Variants in HDAC7 observed in about 807,000 individuals in gnomAD.
The protein encoded by HDAC7 is histone deacetylase 7, also known as histone deacetylase 7A.
HDAC7 carries 26 observed loss-of-function variants against 115.5 expected under a neutral mutation model. The observed-to-expected ratio is 0.23, with a 90% CI of 0.16 to 0.31. The LOEUF (loss-of-function observed/expected upper bound fraction) is 0.31, where lower values mean the gene tolerates loss of function less well. Among genes scored for constraint, HDAC7 ranks in the 10% least tolerant of loss-of-function variants. The pLI, the probability that HDAC7 is intolerant of heterozygous loss-of-function variation, is 1.00. For synonymous variants in HDAC7, 564 were observed against 550.9 expected (o/e 1.02, Z -0.33); for missense variants, 1,068 against 1,329.0 (o/e 0.80, Z 3.05).
rs534076261 is a variant in HDAC7 at position 47,784,283 on chromosome 12, C to T, written c.2792-66G>A. 2.5e-5 allele frequency: 37 copies of T among 1,498,302 alleles called. No homozygotes were observed. The East Asian group carries it at 6.7e-4, about 27-fold the overall frequency. The allele number at this position is 1,498,302 out of a possible 1,614,324, so 92.8% of individuals were successfully genotyped here. On this transcript the variant is annotated intron_variant, in intron 24 of 25. Transcript: ENST00000080059. ...AGCCCCTCCACACTGCGTCCTAGAC[C>T]GGATATTGAGGTTGGTGTCTCAGGC...
rs1565803880 is a variant in HDAC7 at position 47,793,115 on chromosome 12, CTG to C, written c.1678+252_1678+253del. On this transcript the variant is annotated intron_variant, in intron 13 of 25. Coordinates refer to ENST00000080059, the MANE Select transcript of HDAC7 (RefSeq NM_015401.5). The surrounding 1 kb of genome is among the most constrained non-coding windows in gnomAD (Gnocchi z 4.5). ...AAGGGCTGAGTGCATTGGCAGGAGA[CTG>C]GAATTCTTATCCTGGCTTGACTACC... 1 of 481,258 alleles carries C rather than the reference CTG, an allele frequency of 2.1e-6. No individual in the cohort carries two copies. The highest frequency in any genetic ancestry group is 3.6e-6 in the Non-Finnish European group (1 of 274,116). 29.8% of individuals were successfully genotyped at this position (481,258 alleles called of 1,614,324 possible).
chr12:47,801,021 AC>A (rs1944140764), intron 2 of HDAC7, among the ~76,000 whole-genome samples: 1 of 152,094 alleles, frequency 6.6e-6, no homozygotes. Context: ...CTGTTCTCTG[AC>A]CTTTTGCTCA....
upstream of HDAC7, among the ~76,000 whole-genome samples, chr12:47,821,107 G>A (rs530534432): frequency 6.6e-6 from 1 of 152,272 alleles, no homozygotes; most frequent in Admixed American, 6.5e-5. Context: ...CCAAGGAGCA[G>A]CTTCCCCTGA....
At chr12:47,809,753 T>C (rs1422159442) in intron 1 of HDAC7, among the ~76,000 whole-genome samples, 1 of 151,294 alleles carries the variant, frequency 6.6e-6, no homozygotes, top group Non-Finnish European at 1.5e-5. Context: ...GTATATTTAG[T>C]AGAGACGGGG....
chr12:47,813,732 G>C (rs1944766810), intron 1 of HDAC7, among the ~76,000 whole-genome samples: 1 of 152,216 alleles, frequency 6.6e-6, no homozygotes, highest in Admixed American at 6.5e-5. Flanking sequence ...TGGGCGGGAA[G>C]GCCTGGGAGT....
chr12:47,791,168 G>C, intron 16 of HDAC7, 91 bp downstream of exon 16: 1 of 1,239,432 alleles, frequency 8.1e-7, no homozygotes, highest in African/African-American at 1.5e-5. Context: ...ACAACAAGCA[G>C]AGGTTCTGCA....
At chr12:47,811,641 T>C (rs1226783654) in intron 1 of HDAC7, among the ~76,000 whole-genome samples, 2 of 152,240 alleles carry the variant, frequency 1.3e-5, no homozygotes, top group Non-Finnish European at 2.9e-5. Flanking sequence ...ACAATGCACA[T>C]GGACTGCCTC....
chr12:47,802,960 T>A (rs1013113967), intron 1 of HDAC7, among the ~76,000 whole-genome samples: 2 of 152,212 alleles, frequency 1.3e-5, no homozygotes, highest in African/African-American at 4.8e-5. Flanking sequence ...TCCTGCTGCC[T>A]GTTTCCTCAG....
In HDAC7 at chr12:47,789,627, A is replaced by G. The variant is rs1943371415; in HGVS notation, c.2092-49T>C. ...CAATCAACAGACAGCTCTGACCCACAGCTGCATGAACGTACCCCAAGAGTT... is the reference window on the plus strand; with the variant it reads ...CAATCAACAGACAGCTCTGACCCACGGCTGCATGAACGTACCCCAAGAGTT... On this transcript the variant is annotated intron_variant, in intron 17 of 25. Coordinates refer to ENST00000080059, the MANE Select transcript of HDAC7 (RefSeq NM_015401.5). The G allele has an allele frequency of 3.1e-6, 5 of 1,598,006 alleles. No homozygotes were observed. In the Admixed American group the frequency reaches 5.0e-5, roughly 16 times the overall value.
rs1233811092 is a variant in HDAC7 at position 47,819,788 on chromosome 12, A to G, written c.-3T>C. 2 of 523,974 alleles carry G rather than the reference A, an allele frequency of 3.8e-6. No homozygotes were observed. Among genetic ancestry groups the G allele is most frequent in the East Asian group, 1.5e-4 (1 of 6,670 alleles). 32.5% of individuals were successfully genotyped at this position (523,974 alleles called of 1,614,324 possible). A position where few individuals can be genotyped will look rare whatever the true frequency, so the allele number is the denominator to read the frequency against. ...TCACCAGCGCCGGGGCTGTGCATCC[A>G]GGGGCCGGGGCCCTCAGAGCGGGGG... On this transcript the variant is annotated 5_prime_UTR_variant, in exon 1 of 26. Transcript: ENST00000080059.
intron 1 of HDAC7, among the ~76,000 whole-genome samples, chr12:47,809,978 ACT>A: frequency 6.6e-6 from 1 of 151,294 alleles, no homozygotes; most frequent in Non-Finnish European, 1.5e-5. Context: ...ACAGAATTTC[ACT>A]CTGTCACCCA....
At chr12:47,814,361 A>T (rs7971594) in intron 1 of HDAC7, among the ~76,000 whole-genome samples, 13,282 of 152,208 alleles carry the variant, frequency 0.087, 785 homozygotes, top group African/African-American at 0.18. Flanking sequence ...TGAGCCAAGT[A>T]AAGTAAAGTG....
rs200014024 is a variant in HDAC7, at chr12:47,789,546, G to T, written c.2124C>A (p.His708Gln). The stretch of plus-strand genomic sequence containing the variant: ...ACATGGCTGTTGAATGATCTGCATG[G>T]TGTCCTGGGGGCCGCACCACAGCGA... ...NGFAVVRPPG[H>Q]HADHSTAMGF... Residue 708 changes from histidine to glutamine, a missense_variant, in exon 18 of 26, where the codon CAC becomes CAA. Transcript: ENST00000080059. The T allele has an allele frequency of 1.2e-6, 2 of 1,614,196 alleles. No homozygotes were observed. The highest frequency in any genetic ancestry group is 1.7e-6 in the Non-Finnish European group (2 of 1,180,014).
chr12:47,784,811 G>C, intron 24 of HDAC7: 1 of 1,530,690 alleles, frequency 6.5e-7, no homozygotes. Context: ...ACCGTAAGAG[G>C]AATCAGCCAT....
At position 47,786,661 on chromosome 12, in the gene HDAC7, T is replaced by C. The variant is rs753450423; in HGVS notation, c.2496A>G (p.Leu832=). 5 of 1,614,112 alleles carry C rather than the reference T, an allele frequency of 3.1e-6. No individual in the cohort carries two copies. In the South Asian group the frequency reaches 5.5e-5, roughly 18 times the overall value. The part of the protein sequence containing the change: ...MPIAREFSPD[L]VLVSAGFDAA... ...CATCAAATCCAGCAGACACCAGGAC[T>C]AGGTCTGGAGAGAACTCTCGGGCGA... The change falls in exon 22 of 26, where the codon CTA becomes CTG. Residue 832 remains leucine, a synonymous_variant. Coordinates refer to ENST00000080059, the MANE Select transcript of HDAC7 (RefSeq NM_015401.5).
intron 1 of HDAC7, among the ~76,000 whole-genome samples, chr12:47,816,008 C>T (rs1452953585): frequency 6.6e-6 from 1 of 151,680 alleles, no homozygotes; most frequent in Non-Finnish European, 1.5e-5. Flanking sequence ...TCTCCTGCCT[C>T]AGCCTCCCGA....
chr12:47,785,338 C>A, intron 24 of HDAC7, 49 bp downstream of exon 24: 1 of 1,514,188 alleles, frequency 6.6e-7, no homozygotes, highest in Non-Finnish European at 9.0e-7. Flanking sequence ...CAGGGTACCA[C>A]CAAGATCCTT....
In HDAC7 at chr12:47,789,267, T is replaced by C. The variant is rs1943347578; in HGVS notation, c.2229A>G (p.Val743=). Residue 743 remains valine (V), a synonymous_variant, in exon 19 of 26, where the codon GTA becomes GTG. Coordinates refer to ENST00000080059, the MANE Select transcript of HDAC7 (RefSeq NM_015401.5). ...QQSKASKILI[V]DWDVHHGNGT... ...GCTACGGACAGGCACCTACCCAGTC[T>C]ACAATGAGGATCTTGCTGGCCTTGC... 6.2e-7 allele frequency: 1 copy of C among 1,613,708 alleles called. No homozygotes were observed. The highest frequency in any genetic ancestry group is 1.3e-5 in the African/African-American group (1 of 75,062).
At chr12:47,789,188 C>T (rs1943341599) in intron 19 of HDAC7, 73 bp downstream of exon 19, 1 of 1,133,188 alleles carries the variant, frequency 8.8e-7, no homozygotes, top group Admixed American at 1.8e-5. Context: ...CATGAAGCCG[C>T]ATCTCTAACA....
Sources: gnomAD v4.1 joint callset for allele counts (sites outside exome capture counted in the v4.1 genomes callset) on GRCh38, gnomAD v4.1.1 for gene constraint, Gnocchi (gnomAD v3.1) non-coding constraint, MANE v1.5 for transcripts, NCBI Gene and HGNC (gene_info 2026-07-23, HGNC 2026-07-21) for gene names.